CEP83: variants seen among roughly 807,000 people sequenced by gnomAD.
CEP83 encodes the protein centrosomal protein of 83 kDa.
A neutral mutation model predicts 101.9 loss-of-function variants in CEP83; 70 were observed. The ratio of observed to expected loss-of-function variants is 0.69; its 90% CI spans 0.57 to 0.84. The LOEUF is 0.84. Ranked by LOEUF, CEP83 falls within the 40% of genes least tolerant of loss-of-function variation. CEP83 has a pLI of 0.00. For missense variants in CEP83, 715 were observed against 787.2 expected (o/e 0.91, Z 1.10); for synonymous variants, 264 against 267.9 (o/e 0.99, Z 0.14).
At chr12:94,394,226 T>C (rs1192078512) in intron 6 of CEP83, among the ~76,000 whole-genome samples, 37 of 152,158 alleles carry the variant, frequency 2.4e-4, no homozygotes. Context: ...CTAACTATAC[T>C]ACAAGGCTAC....
intron 8 of CEP83, among the ~76,000 whole-genome samples, chr12:94,373,171 TC>T (rs1389507078): frequency 6.6e-6 from 1 of 152,174 alleles, no homozygotes; most frequent in African/African-American, 2.4e-5. Context: ...GCATAAAATT[TC>T]AAGCAATTCA....
In CEP83 at chr12:94,426,553, G is replaced by A. The variant is rs144044268; in HGVS notation, c.-102+8722C>T. On this transcript the variant is annotated intron_variant, in intron 2 of 16. Transcript: ENST00000397809. ...ACCATTCTAATGCTACTTTAGCCTC[G>A]ATTCACTTTTCTCCTCCAAATTCAG... Among the ~76,000 whole-genome samples the A allele has an allele frequency of 2.0e-5, 3 of 152,228 alleles. No individual in the cohort carries two copies. In the East Asian group the frequency reaches 5.8e-4, roughly 29 times the overall value.
chr12:94,365,136 T>C (rs2060956792), intron 11 of CEP83, among the ~76,000 whole-genome samples: 1 of 151,734 alleles, frequency 6.6e-6, no homozygotes, highest in Non-Finnish European at 1.5e-5. Context: ...AAAAGTAAGG[T>C]AATTTAAAAA....
At chr12:94,330,859 A>G (rs919175302) in intron 14 of CEP83, among the ~76,000 whole-genome samples, 5 of 152,202 alleles carry the variant, frequency 3.3e-5, no homozygotes, top group Admixed American at 3.3e-4. Flanking sequence ...TACATACAAA[A>G]TTTAGAAACA....
At chr12:94,376,294 T>C (rs887308098) in intron 7 of CEP83, among the ~76,000 whole-genome samples, 3 of 152,158 alleles carry the variant, frequency 2.0e-5, no homozygotes, top group Non-Finnish European at 2.9e-5. Flanking sequence ...AGAAAGTACC[T>C]AAGGCATTCA....
intron 11 of CEP83, among the ~76,000 whole-genome samples, chr12:94,340,108 T>C (rs2059614397): frequency 6.6e-6 from 1 of 152,128 alleles, no homozygotes; most frequent in African/African-American, 2.4e-5. Flanking sequence ...ACTGATGAAA[T>C]GTAAACGTTC....
intron 14 of CEP83, among the ~76,000 whole-genome samples, chr12:94,331,318 A>AT (rs2059201493): frequency 1.3e-5 from 1 of 75,826 alleles, no homozygotes; most frequent in Non-Finnish European, 2.9e-5. Flanking sequence ...AAAAAAAAAG[A>AT]TTTAATTATA....
chr12:94,343,766 T>TA (rs1345296775), intron 11 of CEP83, among the ~76,000 whole-genome samples: 1 of 152,104 alleles, frequency 6.6e-6, no homozygotes, highest in East Asian at 1.9e-4. Flanking sequence ...GTGCTGGGAT[T>TA]ACAGGCGTGA....
At chr12:94,313,848 GA>G (rs1277442434) in intron 14 of CEP83, among the ~76,000 whole-genome samples, 16 of 152,044 alleles carry the variant, frequency 1.1e-4, no homozygotes, top group Non-Finnish European at 2.1e-4. Context: ...AAAAGGAAAA[GA>G]AAAGAACTGA....
intron 2 of CEP83, 102 bp from the exon 3 acceptor site, chr12:94,412,693 C>CTTTTTTTTTTT (rs11330562): frequency 1.7e-4 from 37 of 213,874 alleles, no homozygotes; most frequent in Non-Finnish European, 2.2e-4. Context: ...TTTTTTTTTT[C>CTTTTTTTTTTT]TTTTTTTTTT....
At chr12:94,271,018 T>G in the CEP83 span, among the ~76,000 whole-genome samples, 200 of 152,300 alleles carry the variant, frequency 1.3e-3, 2 homozygotes, top group African/African-American at 4.6e-3. Context: ...CCCTCAGACT[T>G]GCACTTCTAA....
intron 14 of CEP83, among the ~76,000 whole-genome samples, chr12:94,331,116 C>A (rs1402240358): frequency 6.6e-6 from 1 of 151,522 alleles, no homozygotes. Flanking sequence ...ACATGGGAAA[C>A]CCTGTCTCTA....
chr12:94,296,311 C>T, the CEP83 span, among the ~76,000 whole-genome samples: 1 of 152,116 alleles, frequency 6.6e-6, no homozygotes, highest in South Asian at 2.1e-4. Flanking sequence ...CAGGAGTGTG[C>T]TACCATGCTC....
chr12:94,290,278 T>G, the CEP83 span, among the ~76,000 whole-genome samples: 6 of 152,356 alleles, frequency 3.9e-5, 1 homozygote, highest in East Asian at 7.7e-4. Context: ...TCAAAGCTTC[T>G]CATAAACTCG....
intron 14 of CEP83, among the ~76,000 whole-genome samples, chr12:94,316,777 T>C (rs1042386524): frequency 6.6e-6 from 1 of 152,212 alleles, no homozygotes; most frequent in African/African-American, 2.4e-5. Context: ...TATGGCTATA[T>C]AGTATTCCAT....
At chr12:94,353,723 G>T (rs142316877) in intron 11 of CEP83, among the ~76,000 whole-genome samples, 2 of 138,690 alleles carry the variant, frequency 1.4e-5, no homozygotes, top group African/African-American at 5.3e-5. Flanking sequence ...GTCTGAAAAC[G>T]AAGTGGGGGA....
chr12:94,447,572 T>C (rs2066903736), intron 1 of CEP83, among the ~76,000 whole-genome samples: 1 of 152,302 alleles, frequency 6.6e-6, no homozygotes, highest in East Asian at 1.9e-4. Context: ...TCAGTAAATA[T>C]TAAAGACTCT....
chr12:94,342,148 CTAAG>C (rs1484130479), intron 11 of CEP83, among the ~76,000 whole-genome samples: 5 of 152,120 alleles, frequency 3.3e-5, no homozygotes, highest in African/African-American at 4.8e-5. Context: ...GTTATAAAAC[CTAAG>C]TAAGTAATAA....
intron 1 of CEP83, among the ~76,000 whole-genome samples, chr12:94,448,674 T>C (rs1457660689): frequency 6.6e-6 from 1 of 152,070 alleles, no homozygotes; most frequent in Non-Finnish European, 1.5e-5. Context: ...TACCTCTAAA[T>C]AACCCATTGA....
Sources: allele counts gnomAD v4.1 joint callset (sites outside exome capture counted in the v4.1 genomes callset), GRCh38; gene constraint gnomAD v4.1.1; transcripts MANE v1.5; gene names NCBI Gene and HGNC (gene_info 2026-07-23, HGNC 2026-07-21).